The following LPIN1 variants were observed in gnomAD, a reference collection of about 807,000 sequenced individuals.
LPIN1 encodes phosphatidate phosphatase LPIN1.
A neutral mutation model predicts 107.5 loss-of-function variants in LPIN1; 71 were observed. The observed-to-expected ratio is 0.66, with a 90% CI of 0.55 to 0.80. LPIN1 has a LOEUF of 0.80. Ranked by LOEUF, LPIN1 falls within the 30% of genes least tolerant of loss-of-function variation. LPIN1 has a pLI of 0.00. For synonymous variants in LPIN1, 445 were observed against 452.6 expected (o/e 0.98, Z 0.21); for missense variants, 1,043 against 1,160.6 (o/e 0.90, Z 1.47).
At chr2:11,746,588 C>T (rs1666949255), upstream of LPIN1, 1 of 979,846 alleles carries the variant, frequency 1.0e-6, no homozygotes, top group Non-Finnish European at 1.2e-6. Context: ...CGCCCCTGCC[C>T]CGCCCCCGAA....
chr2:11,791,344 A>G (rs1016605164), intron 12 of LPIN1, among the ~76,000 whole-genome samples: 3 of 152,228 alleles, frequency 2.0e-5, no homozygotes, highest in Admixed American at 6.5e-5. Context: ...AAAATTATCA[A>G]TTCATATTTA....
intron 1 of LPIN1, chr2:11,683,034 C>T (rs1038181567): frequency 4.6e-5 from 7 of 152,200 alleles, no homozygotes; most frequent in South Asian, 2.1e-4. Context: ...GTAATCTTCC[C>T]GACCCCTCTG....
Position 11,786,922 on chromosome 2 carries a change from G to A in LPIN1, c.1550-152G>A, listed in dbSNP as rs1674689490. 2.9e-5 allele frequency: 20 copies of A among 684,192 alleles called. No individual in the cohort carries two copies. The highest frequency in any genetic ancestry group is 2.0e-5 in the Admixed American group (1 of 48,930). The allele number at this position is 684,192 out of a possible 1,614,324, so 42.4% of individuals were successfully genotyped here. A position where few individuals can be genotyped will look rare whatever the true frequency, so the allele number is the denominator to read the frequency against. On this transcript the variant is annotated intron_variant, in intron 10 of 20. Coordinates refer to ENST00000674199, the MANE Select transcript of LPIN1 (RefSeq NM_001349206.2). This position sits in a 1 kb window ranked among gnomAD's most constrained non-coding sequence, Gnocchi z 4.1. ...GCCGCCTTCCAGGTAAAATGGTGCG[G>A]CCTTTACAAATACATTTTATAGGAT...
intron 1 of LPIN1, among the ~76,000 whole-genome samples, chr2:11,732,564 G>A (rs1462940967): frequency 1.3e-5 from 2 of 152,210 alleles, no homozygotes; most frequent in African/African-American, 2.4e-5. Context: ...GTTAGATAAT[G>A]TCTGCAAAGG....
rs1478895245 is a variant in LPIN1, at chr2:11,779,665, T to C, written c.957+20T>C. ...GCTAAGGTGAGAGTCTCTTCAATTC[T>C]GCCACGGACCGAAGATTTCTAACTC... On this transcript the variant is annotated intron_variant, in intron 7 of 20. Coordinates refer to ENST00000674199, the MANE Select transcript of LPIN1 (RefSeq NM_001349206.2). 2 of 1,613,630 alleles carry C rather than the reference T, an allele frequency of 1.2e-6. No homozygotes were observed. Among genetic ancestry groups the C allele is most frequent in the Non-Finnish European group, 1.7e-6 (2 of 1,179,694 alleles).
At chr2:11,798,295 G>A (rs961617473) in intron 14 of LPIN1, among the ~76,000 whole-genome samples, 1 of 152,196 alleles carries the variant, frequency 6.6e-6, no homozygotes, top group Non-Finnish European at 1.5e-5. Flanking sequence ...ATGGGCCTGA[G>A]GGTCAGAGAG....
intron 1 of LPIN1, among the ~76,000 whole-genome samples, chr2:11,731,132 A>G (rs1665150766): frequency 6.6e-6 from 1 of 152,218 alleles, no homozygotes. Flanking sequence ...ACATAGGTAT[A>G]CATGTGCTGT....
At position 11,765,713 on chromosome 2, in the gene LPIN1, C is replaced by A. The variant is rs1389960278; in HGVS notation, c.172C>A (p.Leu58Met). ...FHVRFGKMGV[L>M]RSREKVVDIE... ...CGTCCGCTTTGGGAAGATGGGGGTC[C>A]TGCGCTCCCGAGAGAAAGTGGTGAG... Residue 58 changes from leucine to methionine, a missense_variant, in exon 2 of 21, where the codon CTG becomes ATG. Leu to Met is a conservative substitution (Grantham distance 15). Coordinates refer to ENST00000674199, the MANE Select transcript of LPIN1 (RefSeq NM_001349206.2). The surrounding 1 kb of genome is among the most constrained non-coding windows in gnomAD (Gnocchi z 4.4). 1.1e-5 allele frequency: 18 copies of A among 1,611,220 alleles called. No individual in the cohort carries two copies. The highest frequency in any genetic ancestry group is 1.4e-5 in the Non-Finnish European group (16 of 1,177,692).
intron 1 of LPIN1, among the ~76,000 whole-genome samples, chr2:11,693,808 A>G (rs543247310): frequency 3.1e-4 from 9 of 29,456 alleles, no homozygotes; most frequent in African/African-American, 7.0e-4. Context: ...ATATATATAT[A>G]TATATATATA....
chr2:11,693,794 A>ATATATGTG lies in LPIN1; in HGVS notation c.81+16071_81+16072insGTGTATAT, dbSNP rs1288349773. 2.0e-3 allele frequency among the ~76,000 whole-genome samples: 46 copies of ATATATGTG among 23,186 alleles called. 2 individuals carry two copies. The highest frequency in any genetic ancestry group is 6.6e-3 in the African/African-American group (45 of 6,808). The allele number at this position is 23,186 out of a possible 152,430, so 15.2% of individuals were successfully genotyped here. ...TATGTGTGTGTGTGAGTGTGTATAT[A>ATATATGTG]TATATATATATATATATATATATAT... is the stretch of plus-strand genomic sequence containing the variant. On this transcript the variant is annotated intron_variant, in intron 1 of 21. Coordinates refer to the LPIN1 transcript ENST00000449576.
upstream of LPIN1, chr2:11,746,457 GAT>G (rs1170143944): frequency 4.9e-5 from 8 of 164,910 alleles, no homozygotes; most frequent in African/African-American, 1.9e-4. Context: ...GGAACGCTAA[GAT>G]AGGCGGCCAG....
intron 1 of LPIN1, among the ~76,000 whole-genome samples, chr2:11,712,586 A>T (rs1387032929): frequency 6.6e-6 from 1 of 152,218 alleles, no homozygotes. Context: ...GTAAAGCAAC[A>T]CCATTAACTA....
chr2:11,805,351 A>C, intron 17 of LPIN1, 195 bp downstream of exon 17: 1 of 651,430 alleles, frequency 1.5e-6, no homozygotes, highest in Non-Finnish European at 2.8e-6. Context: ...CCAAATTTGA[A>C]TTCAATACCA....
At chr2:11,683,560 G>A (rs1661838051) in intron 1 of LPIN1, among the ~76,000 whole-genome samples, 1 of 152,160 alleles carries the variant, frequency 6.6e-6, no homozygotes, top group South Asian at 2.1e-4. Flanking sequence ...GAGAAACAGG[G>A]AGGTCTGAGA....
chr2:11,719,173 C>T (rs976712972), intron 2 of LPIN1, among the ~76,000 whole-genome samples: 1 of 152,124 alleles, frequency 6.6e-6, no homozygotes, highest in Non-Finnish European at 1.5e-5. Flanking sequence ...CTAGTAATTT[C>T]TCTTCTATTC....
chr2:11,738,252 G>A (rs989971094), intron 1 of LPIN1, among the ~76,000 whole-genome samples: 1 of 152,028 alleles, frequency 6.6e-6, no homozygotes, highest in African/African-American at 2.4e-5. Context: ...GGGGGCTAGG[G>A]GAGGGATAGC....
intron 3 of LPIN1, among the ~76,000 whole-genome samples, 197 bp downstream of exon 3, chr2:11,768,055 C>G (rs946385092): frequency 6.6e-6 from 1 of 152,086 alleles, no homozygotes; most frequent in African/African-American, 2.4e-5. Flanking sequence ...CACACAGACT[C>G]AGCTCTCCTG....
Position 11,707,794 on chromosome 2 carries a change from C to T in LPIN1, c.82-5962C>T, listed in dbSNP as rs527327159. Among the ~76,000 whole-genome samples the T allele has an allele frequency of 6.6e-6, 1 of 152,308 alleles. No homozygotes were observed. Among genetic ancestry groups the T allele is most frequent in the East Asian group, 1.9e-4 (1 of 5,180 alleles). On this transcript the variant is annotated intron_variant, in intron 1 of 21. Coordinates refer to the LPIN1 transcript ENST00000449576. This position sits in a 1 kb window ranked among gnomAD's most constrained non-coding sequence, Gnocchi z 4.2. ...TTCTGTGAGCACCACAGGTGCTCAC[C>T]TGCCTGCTGGGATGGACCTTACCAT...
chr2:11,720,849 C>A (rs1664078479), upstream of LPIN1, among the ~76,000 whole-genome samples: 1 of 151,666 alleles, frequency 6.6e-6, no homozygotes, highest in African/African-American at 2.4e-5. Context: ...CTGAGTTGAG[C>A]AAAGACCAAG....
Sources: allele counts gnomAD v4.1 joint callset (sites outside exome capture counted in the v4.1 genomes callset), GRCh38; gene constraint gnomAD v4.1.1; non-coding constraint Gnocchi (gnomAD v3.1); transcripts MANE v1.5; gene names NCBI Gene and HGNC (gene_info 2026-07-23, HGNC 2026-07-21).